The following ARHGAP24 variants were observed in gnomAD, a reference collection of about 807,000 sequenced individuals.
The protein encoded by ARHGAP24 is rho GTPase-activating protein 24.
A neutral mutation model predicts 76.4 loss-of-function variants in ARHGAP24; 50 were observed. That is an observed-to-expected ratio of 0.65 (90% CI 0.52 to 0.83). ARHGAP24 has a LOEUF of 0.83. ARHGAP24 is among the 40% of genes least tolerant of loss of function. The pLI is 0.00. For missense variants in ARHGAP24, 930 were observed against 914.2 expected (o/e 1.02, Z -0.22); for synonymous variants, 345 against 323.3 (o/e 1.07, Z -0.72).
intron 3 of ARHGAP24, among the ~76,000 whole-genome samples, chr4:85,760,782 A>G (rs977290866): frequency 2.6e-5 from 4 of 152,202 alleles, no homozygotes; most frequent in Non-Finnish European, 5.9e-5. Context: ...CACTTTAGCC[A>G]TTCTTACATA....
chr4:85,727,507 T>C (rs569720903), intron 3 of ARHGAP24, among the ~76,000 whole-genome samples: 61 of 152,290 alleles, frequency 4.0e-4, no homozygotes, highest in Admixed American at 3.5e-3. Flanking sequence ...ACAGACATTT[T>C]CCAGCAGTGA....
chr4:85,652,692 A>G lies in ARHGAP24; in HGVS notation c.181-69193A>G, dbSNP rs563705899. On this transcript the variant is annotated intron_variant, in intron 2 of 9. Transcript: ENST00000395184. Reference sequence around the variant, plus strand: ...TGATATAATACAAGTAAAAGAGAAGAGTGGAAATAGGATGCACAAATTTTT... The same window carrying G: ...TGATATAATACAAGTAAAAGAGAAGGGTGGAAATAGGATGCACAAATTTTT... 1.4e-4 allele frequency among the ~76,000 whole-genome samples: 21 copies of G among 152,264 alleles called. No individual in the cohort carries two copies. In the East Asian group the frequency reaches 3.3e-3, roughly 24 times the overall value.
At chr4:85,681,236 C>T (rs1723191513) in intron 2 of ARHGAP24, among the ~76,000 whole-genome samples, 1 of 152,102 alleles carries the variant, frequency 6.6e-6, no homozygotes, top group Admixed American at 6.6e-5. Flanking sequence ...AAGAAGCCAA[C>T]CAGCCCAGCT....
At chr4:85,682,164 A>C (rs1432370343) in intron 2 of ARHGAP24, among the ~76,000 whole-genome samples, 1 of 152,190 alleles carries the variant, frequency 6.6e-6, no homozygotes, top group African/African-American at 2.4e-5. Flanking sequence ...AGTGTCCTCT[A>C]AGTGTTAGTA....
At chr4:85,570,039 T>A (rs1204964278) in intron 1 of ARHGAP24, among the ~76,000 whole-genome samples, 1 of 152,204 alleles carries the variant, frequency 6.6e-6, no homozygotes, top group African/African-American at 2.4e-5. Context: ...CTACTTAGGT[T>A]TTTTTTAGAA....
chr4:85,788,594 C>T (rs7683733), intron 3 of ARHGAP24, among the ~76,000 whole-genome samples: 50,953 of 151,968 alleles, frequency 0.34, 8,642 homozygotes, highest in Middle Eastern at 0.38. Flanking sequence ...CCACTTTAGA[C>T]GGTTTAATAG....
intron 3 of ARHGAP24, among the ~76,000 whole-genome samples, chr4:85,864,730 G>T (rs1362788170): frequency 1.3e-5 from 2 of 151,914 alleles, no homozygotes; most frequent in Non-Finnish European, 2.9e-5. Flanking sequence ...CATGAGCTAC[G>T]CCCATCTGCA....
At chr4:85,919,087 A>G (rs1322302670) in intron 3 of ARHGAP24, among the ~76,000 whole-genome samples, 1 of 152,222 alleles carries the variant, frequency 6.6e-6, no homozygotes, top group Non-Finnish European at 1.5e-5. Flanking sequence ...TATGGATTGA[A>G]GACTGGGAAA....
intron 3 of ARHGAP24, among the ~76,000 whole-genome samples, chr4:85,900,711 C>T (rs1425184514): frequency 1.3e-5 from 2 of 152,162 alleles, no homozygotes; most frequent in East Asian, 3.9e-4. Context: ...CAGGGGTGAG[C>T]CACTGCGCCC....
intron 2 of ARHGAP24, among the ~76,000 whole-genome samples, chr4:85,720,940 C>A (rs1308197064): frequency 2.0e-5 from 3 of 152,066 alleles, no homozygotes; most frequent in Non-Finnish European, 4.4e-5. Context: ...GGTGCATCAA[C>A]CAGGCTGCAG....
At chr4:85,513,965 C>G (rs112078086) in intron 1 of ARHGAP24, among the ~76,000 whole-genome samples, 1,986 of 152,238 alleles carry the variant, frequency 0.013, 19 homozygotes, top group Non-Finnish European at 0.021. Flanking sequence ...GTTGTCATTA[C>G]CTGCAGTTTC....
chr4:85,687,418 C>T (rs1042239880), intron 2 of ARHGAP24, among the ~76,000 whole-genome samples: 2 of 152,068 alleles, frequency 1.3e-5, no homozygotes, highest in Non-Finnish European at 2.9e-5. Context: ...TAATCCACAG[C>T]CCCTACTCTC....
chr4:85,498,259 C>G (rs1723657654), intron 1 of ARHGAP24, among the ~76,000 whole-genome samples: 1 of 152,132 alleles, frequency 6.6e-6, no homozygotes. Flanking sequence ...CATCTTATAC[C>G]TGGGTTGGCT....
intron 2 of ARHGAP24, among the ~76,000 whole-genome samples, chr4:85,628,189 G>A (rs964527560): frequency 3.9e-5 from 6 of 152,102 alleles, no homozygotes; most frequent in African/African-American, 7.2e-5. Context: ...GCTATAGACC[G>A]GAGCTGTTCC....
intron 1 of ARHGAP24, among the ~76,000 whole-genome samples, chr4:85,547,945 C>T (rs1725982710): frequency 6.6e-6 from 1 of 152,122 alleles, no homozygotes. Context: ...TGACATTCTG[C>T]TGAAAGGAAG....
At chr4:85,861,000 GCA>G (rs70948764) in intron 3 of ARHGAP24, among the ~76,000 whole-genome samples, 3,678 of 136,682 alleles carry the variant, frequency 0.027, 90 homozygotes, top group African/African-American at 0.081. Flanking sequence ...GTGCATGCAC[GCA>G]CACACACACA....
intron 2 of ARHGAP24, among the ~76,000 whole-genome samples, chr4:85,584,195 A>C (rs1053750232): frequency 3.9e-5 from 6 of 152,160 alleles, no homozygotes; most frequent in African/African-American, 1.4e-4. Flanking sequence ...ACCAACCCAG[A>C]TGTCCAACAA....
At chr4:85,599,020 A>G (rs889381852) in intron 2 of ARHGAP24, among the ~76,000 whole-genome samples, 16 of 152,278 alleles carry the variant, frequency 1.1e-4, no homozygotes, top group South Asian at 2.1e-4. Flanking sequence ...TGACTTCAAA[A>G]TCTATGTGTA....
intron 1 of ARHGAP24, among the ~76,000 whole-genome samples, chr4:85,564,615 C>T (rs575917830): frequency 2.8e-4 from 42 of 151,562 alleles, no homozygotes; most frequent in Middle Eastern, 6.8e-3. Context: ...CACCAGGGAC[C>T]AGTTTCACGG....
Sources: gnomAD v4.1 joint callset for allele counts (sites outside exome capture counted in the v4.1 genomes callset) on GRCh38, gnomAD v4.1.1 for gene constraint, MANE v1.5 for transcripts, NCBI Gene and HGNC (gene_info 2026-07-23, HGNC 2026-07-21) for gene names.